SPG21: variants seen among roughly 807,000 people sequenced by gnomAD.
The protein encoded by SPG21 is SPG21 abhydrolase domain containing, maspardin.
SPG21 carries 26 observed loss-of-function variants against 38.9 expected under a neutral mutation model. The observed-to-expected ratio is 0.67, with a 90% CI of 0.49 to 0.93. The LOEUF (loss-of-function observed/expected upper bound fraction) is 0.93, where lower values mean the gene tolerates loss of function less well. Among genes scored for constraint, SPG21 ranks in the 40% least tolerant of loss-of-function variants. The pLI, the probability that SPG21 is intolerant of heterozygous loss-of-function variation, is 0.00. For synonymous variants in SPG21, 136 were observed against 128.9 expected (o/e 1.05, Z -0.37); for missense variants, 333 against 376.5 (o/e 0.88, Z 0.96).
chr15:64,978,700 A>G (rs2085830476), intron 3 of SPG21, among the ~76,000 whole-genome samples: 1 of 152,212 alleles, frequency 6.6e-6, no homozygotes, highest in Admixed American at 6.5e-5. Flanking sequence ...TTTGAGTCAG[A>G]TGATAGCCTA....
At chr15:64,971,785 CGT>C (rs1322826528) in intron 5 of SPG21, among the ~76,000 whole-genome samples, 2 of 152,120 alleles carry the variant, frequency 1.3e-5, no homozygotes, top group Non-Finnish European at 1.5e-5. Context: ...GCAGTGAGAA[CGT>C]GCCACTGCAC....
At chr15:64,985,583 G>C (rs543664783) in intron 1 of SPG21, among the ~76,000 whole-genome samples, 1 of 152,324 alleles carries the variant, frequency 6.6e-6, no homozygotes, top group South Asian at 2.1e-4. Flanking sequence ...TCAAATATTT[G>C]CTTTGTACCA....
At position 64,981,372 on chromosome 15, in the gene SPG21, C is replaced by A. The variant is rs893885828; in HGVS notation, c.64-347G>T. ...TGGCACGATCTTGGCTCACTACAAC[C>A]TCTGCCTCCCAGGTTCAAGCGATTC... On this transcript the variant is annotated intron_variant, in intron 2 of 8. Transcript: ENST00000204566. 5 of 260,288 alleles carry A rather than the reference C, an allele frequency of 1.9e-5. No individual in the cohort carries two copies. The East Asian group carries it at 4.3e-4, about 22-fold the overall frequency. The allele number at this position is 260,288 out of a possible 1,614,324, so 16.1% of individuals were successfully genotyped here. A position where few individuals can be genotyped will look rare whatever the true frequency, so the allele number is the denominator to read the frequency against.
chr15:64,970,304 A>G, intron 5 of SPG21, 82 bp from the exon 6 acceptor site: 1 of 1,206,668 alleles, frequency 8.3e-7, no homozygotes, highest in South Asian at 1.2e-5. Context: ...GCTTTGTATT[A>G]GCTTGGGATC....
rs111408068 is a variant in SPG21, at chr15:64,983,271, T to TATAAATAA, written c.63+228_63+235dup. Reference sequence around the variant, plus strand: ...AGCGAGACTCCATCTCAAAAATAAATATAAATAAATAAATAAATAAAAATG... The same window carrying TATAAATAA: ...AGCGAGACTCCATCTCAAAAATAAATATAAATAAATAAATAAATAAATAAATAAAAATG... On this transcript the variant is annotated intron_variant, in intron 2 of 8. Transcript: ENST00000204566. 914 of 209,742 alleles carry TATAAATAA rather than the reference T, an allele frequency of 4.4e-3. 15 individuals are homozygous for TATAAATAA. The highest frequency in any genetic ancestry group is 0.018 in the African/African-American group (788 of 43,442). 13.0% of individuals were successfully genotyped at this position (209,742 alleles called of 1,614,324 possible).
At chr15:64,968,669 TGGTTA>T (rs2085597228) in intron 7 of SPG21, among the ~76,000 whole-genome samples, 5 of 73,716 alleles carry the variant, frequency 6.8e-5, no homozygotes, top group Admixed American at 6.5e-4. Context: ...CACTTAAAAA[TGGTTA>T]AAATGGCATA....
intron 1 of SPG21, among the ~76,000 whole-genome samples, chr15:64,985,631 G>C (rs970360159): frequency 1.3e-5 from 2 of 152,186 alleles, no homozygotes; most frequent in African/African-American, 2.4e-5. Flanking sequence ...ATCCTAGCAC[G>C]GCTAACACGA....
At chr15:64,968,677 A>C (rs2085597602) in intron 7 of SPG21, among the ~76,000 whole-genome samples, 5 of 73,648 alleles carry the variant, frequency 6.8e-5, no homozygotes, top group Admixed American at 6.5e-4. Flanking sequence ...AATGGTTAAA[A>C]TGGCATATTT....
intron 1 of SPG21, 103 bp from the exon 2 acceptor site, chr15:64,983,696 A>C (rs2085930228): frequency 9.1e-6 from 7 of 773,002 alleles, no homozygotes; most frequent in Non-Finnish European, 1.5e-5. Context: ...TAAAGAAGAA[A>C]GCCAAGGAAA....
chr15:64,967,070 G>A (rs2085553631), intron 7 of SPG21, among the ~76,000 whole-genome samples: 1 of 151,494 alleles, frequency 6.6e-6, no homozygotes, highest in Admixed American at 6.6e-5. Flanking sequence ...CAGAAATAAG[G>A]GTCCAGGATA....
Position 64,963,682 on chromosome 15 carries a change from C to A in SPG21, c.865G>T (p.Val289Phe). The change falls in exon 9 of 9, where the codon GTC (valine) becomes TTC (phenylalanine). Residue 289 changes from valine (V) to phenylalanine (F), a missense_variant. Val to Phe is a conservative substitution (Grantham distance 50). Coordinates refer to ENST00000204566, the MANE Select transcript of SPG21 (RefSeq NM_016630.7). ...TKYAAIDPSM[V>F]SAEELEVQKG... is the part of the protein sequence containing the mutation. ...TGCACCTCAAGCTCCTCGGCACTGACCATTGATGGGTCAATGGCCGCGTAT... is the reference window on the plus strand; with the variant it reads ...TGCACCTCAAGCTCCTCGGCACTGAACATTGATGGGTCAATGGCCGCGTAT... 1 of 1,614,174 alleles carries A rather than the reference C, an allele frequency of 6.2e-7. No individual in the cohort carries two copies. The highest frequency in any genetic ancestry group is 8.5e-7 in the Non-Finnish European group (1 of 1,180,046).
rs767341054 is a variant in SPG21, at chr15:64,963,576, C to A, written c.*44G>T. The A allele has an allele frequency of 6.2e-5, 96 of 1,545,546 alleles. No homozygotes were observed. The highest frequency in any genetic ancestry group is 8.1e-5 in the Non-Finnish European group (91 of 1,119,416). ...ACGGGTGCTGATGCCACTGACTATA[C>A]AAGAACACACCGGGTCAACTCATCA... On this transcript the variant is annotated 3_prime_UTR_variant, in exon 9 of 9. Transcript: ENST00000204566.
At chr15:64,968,778 G>A (rs1166629194) in intron 7 of SPG21, among the ~76,000 whole-genome samples, 4 of 152,142 alleles carry the variant, frequency 2.6e-5, no homozygotes, top group Admixed American at 2.6e-4. Context: ...TGTTACCCTT[G>A]TGAAGCACCT....
chr15:64,984,990 C>G (rs891997211), intron 1 of SPG21, among the ~76,000 whole-genome samples: 2 of 151,458 alleles, frequency 1.3e-5, no homozygotes, highest in Admixed American at 6.6e-5. Flanking sequence ...ACCTCATGAT[C>G]CACCCGCCTC....
chr15:64,972,698 G>A (rs1246015467), intron 5 of SPG21, among the ~76,000 whole-genome samples: 1 of 152,196 alleles, frequency 6.6e-6, no homozygotes, highest in African/African-American at 2.4e-5. Context: ...CAGGCATGGT[G>A]GCGGGCGCCT....
In SPG21 at chr15:64,974,604, G is replaced by A. The variant is rs200206270; in HGVS notation, c.450C>T (p.Asn150=). 1 of 1,614,118 alleles carries A rather than the reference G, an allele frequency of 6.2e-7. No individual in the cohort carries two copies. Among genetic ancestry groups the A allele is most frequent in the African/African-American group, 1.3e-5 (1 of 75,038 alleles). Residue 150 remains asparagine, a splice_region_variant and synonymous_variant, in exon 5 of 9, where the codon AAC becomes AAT. Coordinates refer to ENST00000204566, the MANE Select transcript of SPG21 (RefSeq NM_016630.7). The part of the protein sequence containing the change: ...TSIFNQTWTA[N]SFWLMPAFML... Reference sequence around the variant, plus strand: ...AAAAAAAGTAATTTTGTTCTTACCTGTTTGCAGTCCAAGTTTGGTTGAAGA... The same window carrying A: ...AAAAAAAGTAATTTTGTTCTTACCTATTTGCAGTCCAAGTTTGGTTGAAGA...
chr15:64,964,382 TATG>T (rs2085504168), intron 8 of SPG21, among the ~76,000 whole-genome samples: 1 of 152,144 alleles, frequency 6.6e-6, no homozygotes, highest in East Asian at 1.9e-4. Flanking sequence ...CTAGTGCTGC[TATG>T]ATGAATATCT....
At chr15:64,963,771 T>A in intron 8 of SPG21, 35 bp from the exon 9 acceptor site, 1 of 1,593,770 alleles carries the variant, frequency 6.3e-7, no homozygotes, top group South Asian at 1.1e-5. Context: ...TTATTTATTT[T>A]TTGAGCTGGA....
At chr15:64,987,698 G>A (rs1420055325) in intron 1 of SPG21, among the ~76,000 whole-genome samples, 1 of 152,204 alleles carries the variant, frequency 6.6e-6, no homozygotes, top group Non-Finnish European at 1.5e-5. Context: ...GTGTGCTGTG[G>A]ACTCCCTGTC....
Sources: gnomAD v4.1 joint callset for allele counts (sites outside exome capture counted in the v4.1 genomes callset) on GRCh38, gnomAD v4.1.1 for gene constraint, MANE v1.5 for transcripts, NCBI Gene and HGNC (gene_info 2026-07-23, HGNC 2026-07-21) for gene names.